Variants in TTC6 observed in about 807,000 individuals in gnomAD.
The protein encoded by TTC6 is tetratricopeptide repeat protein 6.
A neutral mutation model predicts 210.4 loss-of-function variants in TTC6; 172 were observed. The observed-to-expected ratio is 0.82, with a 90% CI of 0.72 to 0.93. The LOEUF is 0.93. Ranked by LOEUF, TTC6 falls within the 40% of genes least tolerant of loss-of-function variation. The pLI, the probability that TTC6 is intolerant of heterozygous loss-of-function variation, is 0.00. For missense variants in TTC6, 2,414 were observed against 2,318.1 expected, an observed-to-expected ratio of 1.04 and a Z score of -0.85; for synonymous variants, 804 against 819.6, an observed-to-expected ratio of 0.98 and a Z score of 0.32.
rs1218297066 is a variant in TTC6 at position 37,606,734 on chromosome 14, G to A, written c.-163G>A. The A allele has an allele frequency of 3.0e-6, 3 of 985,140 alleles. No homozygotes were observed. Among genetic ancestry groups the A allele is most frequent in the East Asian group, 1.1e-4 (1 of 8,818 alleles). 61.0% of individuals were successfully genotyped at this position (985,140 alleles called of 1,614,324 possible). A position where few individuals can be genotyped will look rare whatever the true frequency, so the allele number is the denominator to read the frequency against. On this transcript the variant is annotated 5_prime_UTR_variant, in exon 2 of 3. An upstream start codon of the reference 5' UTR is lost. Coordinates refer to the TTC6 transcript ENST00000556845. The stretch of plus-strand genomic sequence containing the variant: ...GATGAGGAGAGGAACAAGGATTCAT[G>A]GAAGTGAGGTATGATGTCTTCAGTT...
intron 1 of TTC6, 28 bp from the exon 4 acceptor site, chr14:37,680,123 A>C (rs1442976163): frequency 8.9e-6 from 12 of 1,345,782 alleles, no homozygotes; most frequent in Non-Finnish European, 1.2e-5. Flanking sequence ...AAAAATTGGC[A>C]TCACTTTGTT....
intron 2 of TTC6, among the ~76,000 whole-genome samples, chr14:37,613,881 T>C (rs35454200): frequency 0.057 from 8,705 of 152,174 alleles, 381 homozygotes; most frequent in Non-Finnish European, 0.089. Flanking sequence ...TTTTTAAATT[T>C]TGTTGAGATT....
chr14:37,748,998 A>G (rs995318977), exon 11 of TTC6: 2 of 1,534,436 alleles, frequency 1.3e-6, no homozygotes, highest in African/African-American at 2.7e-5. Flanking sequence ...GTTCCATTAT[A>G]TGAACGTCAA....
At chr14:37,739,409 C>T (rs1490475322) in intron 10 of TTC6, among the ~76,000 whole-genome samples, 1 of 151,686 alleles carries the variant, frequency 6.6e-6, no homozygotes, top group Non-Finnish European at 1.5e-5. Context: ...AAACCCCTCT[C>T]TACCAAAAAT....
At chr14:37,788,183 TC>T (rs1390259444) in intron 15 of TTC6, among the ~76,000 whole-genome samples, 4 of 152,162 alleles carry the variant, frequency 2.6e-5, no homozygotes, top group Non-Finnish European at 2.9e-5. Flanking sequence ...AATGGCCATT[TC>T]TGTGTTACTC....
exon 21 of TTC6, chr14:37,804,698 A>G (rs2096114448): frequency 6.2e-7 from 1 of 1,613,806 alleles, no homozygotes; most frequent in African/African-American, 1.3e-5. Context: ...GGAAGTGCTT[A>G]AGAAGGCTTT....
intron 5 of TTC6, among the ~76,000 whole-genome samples, chr14:37,706,802 T>C (rs954919460): frequency 3.9e-5 from 6 of 152,128 alleles, no homozygotes; most frequent in Non-Finnish European, 5.9e-5. Context: ...TTTTTTGCTT[T>C]ATTTATATGG....
intron 14 of TTC6, among the ~76,000 whole-genome samples, chr14:37,780,017 G>A (rs1342827277): frequency 6.6e-6 from 1 of 152,124 alleles, no homozygotes; most frequent in African/African-American, 2.4e-5. Context: ...AATTACTGAC[G>A]AAGTTGAAAC....
chr14:37,687,499 G>C (rs1233411618), intron 3 of TTC6, among the ~76,000 whole-genome samples: 1 of 152,142 alleles, frequency 6.6e-6, no homozygotes. Flanking sequence ...ACACCAGCCA[G>C]GGCAGCTAAG....
chr14:37,823,209 T>G (rs2139492863), intron 26 of TTC6, among the ~76,000 whole-genome samples: 1 of 152,222 alleles, frequency 6.6e-6, no homozygotes, highest in Middle Eastern at 3.4e-3. Flanking sequence ...AGTTGATAAA[T>G]AAAATGCATT....
intron 14 of TTC6, among the ~76,000 whole-genome samples, chr14:37,762,370 C>T (rs1452470988): frequency 1.3e-5 from 2 of 152,040 alleles, no homozygotes; most frequent in African/African-American, 2.4e-5. Flanking sequence ...CATATGGTGA[C>T]TCTATTTTTA....
intron 24 of TTC6, among the ~76,000 whole-genome samples, chr14:37,811,745 A>C (rs2096130058): frequency 6.6e-6 from 1 of 152,208 alleles, no homozygotes; most frequent in African/African-American, 2.4e-5. Context: ...GAATATATTT[A>C]TCAAAATATT....
At chr14:37,787,426 T>A in intron 14 of TTC6, 42 bp from the exon 17 acceptor site, 1 of 1,309,446 alleles carries the variant, frequency 7.6e-7, no homozygotes, top group Non-Finnish European at 1.0e-6. Context: ...AGAGAAAATG[T>A]ATACTTTACA....
intron 10 of TTC6, among the ~76,000 whole-genome samples, chr14:37,741,324 C>T (rs12878115): frequency 0.061 from 7,170 of 117,468 alleles, 266 homozygotes; most frequent in Middle Eastern, 0.11. Context: ...GACAGAGTCT[C>T]GCTGTTGCCC....
chr14:37,667,172 G>A (rs1043912630), intron 1 of TTC6, among the ~76,000 whole-genome samples: 2 of 150,194 alleles, frequency 1.3e-5, no homozygotes, highest in African/African-American at 4.9e-5. Flanking sequence ...TGCCTACCGA[G>A]TCTACTGGGT....
chr14:37,676,485 T>A (rs2095769897), intron 1 of TTC6, among the ~76,000 whole-genome samples: 1 of 152,098 alleles, frequency 6.6e-6, no homozygotes, highest in African/African-American at 2.4e-5. Context: ...GGCAAATGAT[T>A]TACAAATATT....
exon 10 of TTC6, chr14:37,738,842 A>G (rs559435985): frequency 6.5e-7 from 1 of 1,534,064 alleles, no homozygotes; most frequent in South Asian, 1.2e-5. Context: ...CAAGAATGAT[A>G]TGCAAAGCAG....
At chr14:37,739,038 G>A (rs1002891731) in exon 10 of TTC6, 1 of 1,535,404 alleles carries the variant, frequency 6.5e-7, no homozygotes, top group East Asian at 2.4e-5. Flanking sequence ...AAAAAAGCTG[G>A]CATTAGTTAC....
At chr14:37,696,492 AT>A (rs1222560989) in intron 3 of TTC6, among the ~76,000 whole-genome samples, 1 of 152,134 alleles carries the variant, frequency 6.6e-6, no homozygotes, top group Admixed American at 6.5e-5. Flanking sequence ...GGTAATAAAA[AT>A]GTTGTAAATA....
Sources: gnomAD v4.1 joint callset for allele counts (sites outside exome capture counted in the v4.1 genomes callset) on GRCh38, gnomAD v4.1.1 for gene constraint, MANE v1.5 for transcripts, NCBI Gene and HGNC (gene_info 2026-07-23, HGNC 2026-07-21) for gene names.